The following MAP4K4 variants were observed in gnomAD, a reference collection of about 807,000 sequenced individuals.
MAP4K4 encodes mitogen-activated protein kinase kinase kinase kinase 4.
MAP4K4 carries 38 observed loss-of-function variants against 189.6 expected under a neutral mutation model. That is an observed-to-expected ratio of 0.20 (90% CI 0.15 to 0.26). The LOEUF is 0.26. Ranked by LOEUF, MAP4K4 falls within the 10% of genes least tolerant of loss-of-function variation. MAP4K4 has a pLI of 1.00. For synonymous variants in MAP4K4, 610 were observed against 624.3 expected (o/e 0.98, Z 0.34); for missense variants, 1,054 against 1,726.9 (o/e 0.61, Z 6.91).
chr2:101,812,359 C>T (rs574429652), intron 3 of MAP4K4, among the ~76,000 whole-genome samples: 2 of 152,308 alleles, frequency 1.3e-5, no homozygotes, highest in Admixed American at 1.3e-4. Context: ...TGTTGTTTGA[C>T]TCTTCGCAGA....
intron 2 of MAP4K4, among the ~76,000 whole-genome samples, chr2:101,706,317 C>A (rs562497836): frequency 2.6e-5 from 4 of 152,158 alleles, no homozygotes; most frequent in Non-Finnish European, 1.5e-5. Flanking sequence ...TATTTAACTC[C>A]TATACTTGCT....
chr2:101,703,361 GA>G (rs2149180006), intron 2 of MAP4K4, among the ~76,000 whole-genome samples: 1 of 152,168 alleles, frequency 6.6e-6, no homozygotes, highest in South Asian at 2.1e-4. Flanking sequence ...GGAGCTTTGG[GA>G]TTCCCAGCAC....
chr2:101,710,055 T>A (rs2044552692), intron 2 of MAP4K4, among the ~76,000 whole-genome samples: 1 of 152,242 alleles, frequency 6.6e-6, no homozygotes, highest in Non-Finnish European at 1.5e-5. Context: ...TGAGACTCTT[T>A]ATGTGTAATT....
chr2:101,830,295 T>A (rs1205906856), intron 6 of MAP4K4, among the ~76,000 whole-genome samples: 1 of 152,148 alleles, frequency 6.6e-6, no homozygotes, highest in African/African-American at 2.4e-5. Context: ...GTGACTTCAT[T>A]GTAGTAGGTG....
At chr2:101,795,747 A>G (rs984833386) in intron 3 of MAP4K4, among the ~76,000 whole-genome samples, 1 of 152,206 alleles carries the variant, frequency 6.6e-6, no homozygotes, top group Admixed American at 6.5e-5. Context: ...AGAGCTAAGA[A>G]GTACATTTTT....
At chr2:101,797,479 T>C in intron 3 of MAP4K4, 1 of 1,033,620 alleles carries the variant, frequency 9.7e-7, no homozygotes, top group African/African-American at 1.7e-5. Context: ...TTCCCTTAGC[T>C]ACTGAGAGAA....
chr2:101,720,556 C>T (rs1386477162), intron 2 of MAP4K4, among the ~76,000 whole-genome samples: 1 of 151,906 alleles, frequency 6.6e-6, no homozygotes, highest in Non-Finnish European at 1.5e-5. Flanking sequence ...AAAGATCTGT[C>T]AGCATATAGT....
chr2:101,709,468 G>A (rs1329794080), intron 2 of MAP4K4, among the ~76,000 whole-genome samples: 1 of 152,222 alleles, frequency 6.6e-6, no homozygotes, highest in Non-Finnish European at 1.5e-5. Context: ...CTCCCAAAGT[G>A]CTGGGATTAC....
chr2:101,702,848 C>CT (rs1348179298), intron 2 of MAP4K4, among the ~76,000 whole-genome samples: 8 of 152,096 alleles, frequency 5.3e-5, no homozygotes, highest in African/African-American at 1.9e-4. Flanking sequence ...GTAAGGGGAG[C>CT]TAACGCTAAG....
chr2:101,829,956 C>T (rs1576388066), intron 6 of MAP4K4, among the ~76,000 whole-genome samples: 1 of 152,200 alleles, frequency 6.6e-6, no homozygotes, highest in African/African-American at 2.4e-5. Flanking sequence ...ACTTTTCCCT[C>T]CTCATTTTAT....
chr2:101,716,939 G>A (rs1374031058), intron 2 of MAP4K4, among the ~76,000 whole-genome samples: 2 of 152,002 alleles, frequency 1.3e-5, no homozygotes, highest in East Asian at 1.9e-4. Flanking sequence ...TCAACTTTTG[G>A]GGAATGAGAT....
intron 2 of MAP4K4, among the ~76,000 whole-genome samples, chr2:101,780,710 C>T (rs548820003): frequency 6.6e-6 from 1 of 152,294 alleles, no homozygotes; most frequent in Non-Finnish European, 1.5e-5. Flanking sequence ...TGGATTGCCA[C>T]CTGGGAGGAG....
chr2:101,846,246 G>A (rs1188970461), intron 12 of MAP4K4, among the ~76,000 whole-genome samples: 1 of 152,224 alleles, frequency 6.6e-6, no homozygotes, highest in Admixed American at 6.5e-5. Context: ...AATCTTGAAT[G>A]AGTTCAGAGA....
At chr2:101,854,349 C>G (rs1459759720) in intron 12 of MAP4K4, among the ~76,000 whole-genome samples, 1 of 152,284 alleles carries the variant, frequency 6.6e-6, no homozygotes. Flanking sequence ...AGAGCAGGAG[C>G]ATCATTCATT....
At chr2:101,752,762 GC>G (rs962119582) in intron 2 of MAP4K4, among the ~76,000 whole-genome samples, 2 of 152,154 alleles carry the variant, frequency 1.3e-5, no homozygotes, top group African/African-American at 4.8e-5. Context: ...TAGAATCCAA[GC>G]TTATTCCATA....
At chr2:101,714,464 G>C (rs1436010362) in intron 2 of MAP4K4, among the ~76,000 whole-genome samples, 5 of 152,032 alleles carry the variant, frequency 3.3e-5, no homozygotes, top group Admixed American at 3.3e-4. Flanking sequence ...AAAACGGCTA[G>C]AAGACCCCTC....
At chr2:101,781,964 G>T (rs1021253657) in intron 2 of MAP4K4, among the ~76,000 whole-genome samples, 1 of 152,170 alleles carries the variant, frequency 6.6e-6, no homozygotes, top group Non-Finnish European at 1.5e-5. Context: ...GCAGAGCCCA[G>T]ATGACTGGGC....
chr2:101,888,015 T>A, intron 31 of MAP4K4, 78 bp downstream of exon 31: 1 of 1,352,378 alleles, frequency 7.4e-7, no homozygotes, highest in Non-Finnish European at 1.0e-6. Context: ...TCATGCTGAT[T>A]TTGTATGTCC....
At chr2:101,815,550 C>T (rs2095663765) in intron 3 of MAP4K4, among the ~76,000 whole-genome samples, 2 of 152,044 alleles carry the variant, frequency 1.3e-5, no homozygotes, top group South Asian at 4.2e-4. Flanking sequence ...GTGTATGGTC[C>T]AGCTTCTTTG....
Sources: allele counts gnomAD v4.1 joint callset (sites outside exome capture counted in the v4.1 genomes callset), GRCh38; gene constraint gnomAD v4.1.1; transcripts MANE v1.5; gene names NCBI Gene and HGNC (gene_info 2026-07-23, HGNC 2026-07-21).